The following FARP1 variants were observed in gnomAD, a reference collection of about 807,000 sequenced individuals.
FARP1 encodes the protein FERM, ARH/RhoGEF and pleckstrin domain protein 1.
A neutral mutation model predicts 128.8 loss-of-function variants in FARP1; 52 were observed. The observed-to-expected ratio is 0.40, with a 90% CI of 0.32 to 0.51. FARP1 has a LOEUF of 0.51. Ranked by LOEUF, FARP1 falls within the 20% of genes least tolerant of loss-of-function variation. The pLI, the probability that FARP1 is intolerant of heterozygous loss-of-function variation, is 0.45. For synonymous variants in FARP1, 580 were observed against 551.8 expected (o/e 1.05, Z -0.72); for missense variants, 1,333 against 1,367.9 (o/e 0.97, Z 0.40).
intron 1 of FARP1, among the ~76,000 whole-genome samples, chr13:98,170,426 G>A (rs285094): frequency 0.26 from 40,042 of 151,852 alleles, 6,399 homozygotes; most frequent in Non-Finnish European, 0.35. Context: ...GCGCGATCTC[G>A]GCTCACTGCA....
chr13:98,242,464 CCA>C (rs1882827625), intron 2 of FARP1, among the ~76,000 whole-genome samples: 1 of 152,028 alleles, frequency 6.6e-6, no homozygotes, highest in Admixed American at 6.5e-5. Context: ...TCTCTTATGG[CCA>C]GGAGTTCGAG....
intron 2 of FARP1, among the ~76,000 whole-genome samples, chr13:98,256,554 CTT>C (rs1050500609): frequency 1.9e-4 from 27 of 143,726 alleles, no homozygotes; most frequent in African/African-American, 6.6e-4. Context: ...CATCTTACCA[CTT>C]TTTTTTTTTT....
At chr13:98,356,207 T>A (rs1400972574) in intron 3 of FARP1, among the ~76,000 whole-genome samples, 1 of 152,246 alleles carries the variant, frequency 6.6e-6, no homozygotes, top group Non-Finnish European at 1.5e-5. Context: ...TTGATTTTTC[T>A]ACAGTCATGC....
At chr13:98,370,487 G>A (rs751866367) in intron 5 of FARP1, among the ~76,000 whole-genome samples, 25 of 151,482 alleles carry the variant, frequency 1.7e-4, no homozygotes, top group Non-Finnish European at 2.4e-4. Context: ...AACAGGTACC[G>A]GAAGCAGGGT....
chr13:98,366,717 T>G (rs1486042719), intron 4 of FARP1, among the ~76,000 whole-genome samples: 1 of 152,220 alleles, frequency 6.6e-6, no homozygotes, highest in Non-Finnish European at 1.5e-5. Context: ...GAGTAGCCGC[T>G]CAGTGAAAAT....
intron 2 of FARP1, among the ~76,000 whole-genome samples, chr13:98,259,882 AGTGTGTGTGTGT>A (rs60886784): frequency 1.9e-4 from 25 of 128,766 alleles, no homozygotes; most frequent in Middle Eastern, 7.2e-3. Context: ...ATACCTGAAA[AGTGTGTGTGTGT>A]GTGTGTGTGT....
At chr13:98,160,586 C>T (rs1876810163) in intron 1 of FARP1, among the ~76,000 whole-genome samples, 4 of 152,166 alleles carry the variant, frequency 2.6e-5, no homozygotes, top group African/African-American at 9.7e-5. Flanking sequence ...TACACACAGA[C>T]ACCTGTTGTT....
chr13:98,421,336 C>T (rs1182177469), intron 16 of FARP1, among the ~76,000 whole-genome samples: 1 of 152,162 alleles, frequency 6.6e-6, no homozygotes, highest in Non-Finnish European at 1.5e-5. Context: ...CCGCCCTCGC[C>T]CAGCGTCCTC....
intron 2 of FARP1, among the ~76,000 whole-genome samples, chr13:98,268,042 G>A (rs1444863766): frequency 6.6e-6 from 1 of 152,150 alleles, no homozygotes; most frequent in Non-Finnish European, 1.5e-5. Context: ...CACATTGTTC[G>A]ACCTCCAGAA....
chr13:98,369,217 G>A (rs892503413), intron 5 of FARP1, among the ~76,000 whole-genome samples: 7 of 152,050 alleles, frequency 4.6e-5, no homozygotes, highest in Admixed American at 6.6e-5. Flanking sequence ...GAGCCACTGC[G>A]CCCAACCTCA....
At chr13:98,233,385 T>TC (rs983379869) in intron 2 of FARP1, among the ~76,000 whole-genome samples, 3 of 151,030 alleles carry the variant, frequency 2.0e-5, no homozygotes, top group Non-Finnish European at 2.9e-5. Context: ...AGCCACAGGC[T>TC]CCCCCACGTG....
chr13:98,197,861 T>A (rs1277047071), intron 1 of FARP1, among the ~76,000 whole-genome samples: 1 of 152,010 alleles, frequency 6.6e-6, no homozygotes, highest in Non-Finnish European at 1.5e-5. Flanking sequence ...GGTCTCGATC[T>A]CCTGACCTCG....
Position 98,143,458 on chromosome 13 carries a change from G to T in FARP1, c.-58G>T. On this transcript the variant is annotated 5_prime_UTR_variant, in exon 1 of 27. Transcript: ENST00000319562. ...CCGCCGATCCCGGAGCCCGAGCCGG[G>T]AGAGGGAGCCGCCGCAGCCGCCGGC... 1 of 150,628 alleles carries T rather than the reference G, an allele frequency of 6.6e-6. No homozygotes were observed. The highest frequency in any genetic ancestry group is 1.9e-4 in the South Asian group (1 of 5,186). The allele number at this position is 150,628 out of a possible 1,614,324, so 9.3% of individuals were successfully genotyped here. A position where few individuals can be genotyped will look rare whatever the true frequency, so the allele number is the denominator to read the frequency against.
At chr13:98,256,345 T>C (rs776121031) in intron 2 of FARP1, among the ~76,000 whole-genome samples, 3 of 152,114 alleles carry the variant, frequency 2.0e-5, no homozygotes, top group African/African-American at 4.8e-5. Flanking sequence ...CTGTGAAATA[T>C]ATGTGCGATG....
chr13:98,212,477 C>T (rs1230945901), intron 1 of FARP1, among the ~76,000 whole-genome samples: 3 of 151,886 alleles, frequency 2.0e-5, no homozygotes, highest in Non-Finnish European at 1.5e-5. Context: ...ACAGAGGCAG[C>T]GAGAGGGGAG....
intron 16 of FARP1, among the ~76,000 whole-genome samples, chr13:98,417,455 G>GGGGAAAAAAAAAAAA (rs1491453247): frequency 1.7e-5 from 1 of 58,454 alleles, no homozygotes; most frequent in South Asian, 6.5e-4. Context: ...CCAGAGGTTT[G>GGGGAAAAAAAAAAAA]AAAAAAAAAA....
At chr13:98,257,536 G>A (rs993165635) in intron 2 of FARP1, among the ~76,000 whole-genome samples, 1 of 152,140 alleles carries the variant, frequency 6.6e-6, no homozygotes, top group African/African-American at 2.4e-5. Flanking sequence ...ACTTTGGGAC[G>A]CCAAGGTGGG....
At chr13:98,376,923 GCA>G (rs1386388028) in intron 5 of FARP1, among the ~76,000 whole-genome samples, 6 of 151,946 alleles carry the variant, frequency 3.9e-5, no homozygotes, top group Non-Finnish European at 1.5e-5. Context: ...GTTTGCTGTT[GCA>G]CAGTTTTTAC....
chr13:98,341,405 A>T (rs1887968555), intron 2 of FARP1, among the ~76,000 whole-genome samples: 1 of 152,174 alleles, frequency 6.6e-6, no homozygotes, highest in African/African-American at 2.4e-5. Context: ...AGGCTGAGGC[A>T]GGCCGATTAC....
Sources: gnomAD v4.1 joint callset for allele counts (sites outside exome capture counted in the v4.1 genomes callset) on GRCh38, gnomAD v4.1.1 for gene constraint, MANE v1.5 for transcripts, NCBI Gene and HGNC (gene_info 2026-07-23, HGNC 2026-07-21) for gene names.